Variants in AUTS2 observed in about 807,000 individuals in gnomAD.
AUTS2 encodes activator of transcription and developmental regulator AUTS2, also known as autism susceptibility gene 2 protein.
In AUTS2, 17 loss-of-function variants were observed where a neutral mutation model predicts 112.4. The observed-to-expected ratio is 0.15, with a 90% CI of 0.10 to 0.23. The LOEUF is 0.23. Among genes scored for constraint, AUTS2 ranks in the 10% least tolerant of loss-of-function variants. The probability of loss-of-function intolerance (pLI) is 1.00; values close to 1 mark genes in which losing one functional copy is unlikely to be tolerated. For synonymous variants in AUTS2, 751 were observed against 702.7 expected (o/e 1.07, Z -1.09); for missense variants, 1,510 against 1,701.6 (o/e 0.89, Z 1.98).
At chr7:70,083,495 G>A (rs1270727789) in intron 2 of AUTS2, among the ~76,000 whole-genome samples, 3 of 152,110 alleles carry the variant, frequency 2.0e-5, no homozygotes, top group African/African-American at 7.2e-5. Flanking sequence ...AAACTTCTTT[G>A]TATACAGTGA....
intron 5 of AUTS2, among the ~76,000 whole-genome samples, chr7:70,682,166 A>G (rs944565334): frequency 2.6e-5 from 4 of 152,220 alleles, no homozygotes; most frequent in African/African-American, 9.7e-5. Context: ...TTGAAACTGA[A>G]ATCACAGAAG....
intron 4 of AUTS2, among the ~76,000 whole-genome samples, chr7:70,172,489 T>C (rs1275031245): frequency 3.3e-5 from 5 of 152,254 alleles, no homozygotes; most frequent in African/African-American, 1.2e-4. Flanking sequence ...AATGGTTCTT[T>C]TTCTAGCTAG....
chr7:70,095,342 A>G (rs1250234721), intron 2 of AUTS2, among the ~76,000 whole-genome samples: 1 of 152,190 alleles, frequency 6.6e-6, no homozygotes, highest in Non-Finnish European at 1.5e-5. Flanking sequence ...GTGCATTCTC[A>G]TACACGCATA....
At chr7:70,101,998 T>C (rs1804521914) in intron 2 of AUTS2, among the ~76,000 whole-genome samples, 1 of 152,232 alleles carries the variant, frequency 6.6e-6, no homozygotes, top group African/African-American at 2.4e-5. Context: ...TTATATATTT[T>C]GTAATAGCTT....
At chr7:70,224,380 AAT>A (rs1811653637) in intron 4 of AUTS2, among the ~76,000 whole-genome samples, 1 of 147,668 alleles carries the variant, frequency 6.8e-6, no homozygotes, top group African/African-American at 2.5e-5. Flanking sequence ...AATACAATAC[AAT>A]ACAATACAAT....
chr7:70,680,427 CA>C (rs970928931), intron 5 of AUTS2, among the ~76,000 whole-genome samples: 5 of 152,202 alleles, frequency 3.3e-5, no homozygotes, highest in Non-Finnish European at 7.3e-5. Context: ...ATTCATTCAG[CA>C]CCTCATCTTC....
In AUTS2 at chr7:69,810,352, G is replaced by C. The variant is rs80215183; in HGVS notation, c.310-88934G>C. 2.6e-5 allele frequency among the ~76,000 whole-genome samples: 4 copies of C among 152,138 alleles called. No individual in the cohort carries two copies. The East Asian group carries it at 7.7e-4, about 29-fold the overall frequency. On this transcript the variant is annotated intron_variant, in intron 1 of 18. Coordinates refer to ENST00000342771, the MANE Select transcript of AUTS2 (RefSeq NM_015570.4). ...CACCAGCCTCACAGGATTCTCATAA[G>C]GATTAACTGTGATCATATTTAAAAT...
chr7:70,049,500 T>G (rs1801653155), intron 2 of AUTS2, among the ~76,000 whole-genome samples: 1 of 151,962 alleles, frequency 6.6e-6, no homozygotes, highest in Non-Finnish European at 1.5e-5. Flanking sequence ...TGGCTAATTT[T>G]TGTGTTTTTA....
intron 4 of AUTS2, among the ~76,000 whole-genome samples, chr7:70,163,360 A>AGGGGGGG (rs1562753323): frequency 2.8e-3 from 7 of 2,466 alleles, no homozygotes; most frequent in Admixed American, 5.2e-3. Flanking sequence ...GGGGGGGGGC[A>AGGGGGGG]GAGGGGGAGG....
At chr7:69,658,364 A>G (rs1404264295) in intron 1 of AUTS2, among the ~76,000 whole-genome samples, 1 of 152,236 alleles carries the variant, frequency 6.6e-6, no homozygotes, top group Non-Finnish European at 1.5e-5. Context: ...TTCTGATCCT[A>G]AAAGTGTTCA....
At chr7:69,681,416 C>T (rs981115143) in intron 1 of AUTS2, among the ~76,000 whole-genome samples, 2 of 152,208 alleles carry the variant, frequency 1.3e-5, no homozygotes, top group Non-Finnish European at 2.9e-5. Flanking sequence ...CCCTTCCAGA[C>T]TGACAGAGTG....
At chr7:69,704,480 G>A (rs10244001) in intron 1 of AUTS2, among the ~76,000 whole-genome samples, 14,789 of 151,908 alleles carry the variant, frequency 0.097, 1,136 homozygotes, top group African/African-American at 0.21. Flanking sequence ...GGATTTCATC[G>A]TGCTAACCAG....
At chr7:70,582,887 G>C (rs989354760) in intron 5 of AUTS2, among the ~76,000 whole-genome samples, 3 of 152,162 alleles carry the variant, frequency 2.0e-5, no homozygotes, top group African/African-American at 7.2e-5. Flanking sequence ...AAGTGAGTTT[G>C]TAACGACTCC....
intron 5 of AUTS2, among the ~76,000 whole-genome samples, chr7:70,555,806 CT>C (rs35481779): frequency 1.2e-3 from 177 of 141,880 alleles, no homozygotes; most frequent in Non-Finnish European, 1.2e-3. Flanking sequence ...CCTCAGGAAG[CT>C]TTTTTTTTTT....
At chr7:69,656,767 A>G (rs1007868377) in intron 1 of AUTS2, among the ~76,000 whole-genome samples, 1 of 152,158 alleles carries the variant, frequency 6.6e-6, no homozygotes, top group African/African-American at 2.4e-5. Context: ...CACAAGCCCA[A>G]CATGTGGCTT....
At chr7:70,527,230 T>A (rs1799878239) in intron 5 of AUTS2, among the ~76,000 whole-genome samples, 1 of 152,216 alleles carries the variant, frequency 6.6e-6, no homozygotes, top group Non-Finnish European at 1.5e-5. Flanking sequence ...TACTCCAGAA[T>A]GACTAGAAAT....
intron 4 of AUTS2, among the ~76,000 whole-genome samples, chr7:70,273,528 C>T (rs1370424297): frequency 6.6e-6 from 1 of 151,616 alleles, no homozygotes; most frequent in East Asian, 1.9e-4. Context: ...ATTCTATTTT[C>T]TTACAATCTT....
chr7:70,377,670 A>G (rs1276501950), intron 4 of AUTS2, among the ~76,000 whole-genome samples: 3 of 151,560 alleles, frequency 2.0e-5, no homozygotes, highest in Admixed American at 6.6e-5. Context: ...CCAGCATTCT[A>G]CGGTCTGCCT....
intron 5 of AUTS2, among the ~76,000 whole-genome samples, chr7:70,585,665 A>C (rs948766438): frequency 6.6e-6 from 1 of 151,910 alleles, no homozygotes; most frequent in Admixed American, 6.6e-5. Context: ...GGATATCTTC[A>C]CTCTTAAAAG....
Sources: allele counts gnomAD v4.1 joint callset (sites outside exome capture counted in the v4.1 genomes callset), GRCh38; gene constraint gnomAD v4.1.1; transcripts MANE v1.5; gene names NCBI Gene and HGNC (gene_info 2026-07-23, HGNC 2026-07-21).